DLGAP2: variants seen among roughly 807,000 people sequenced by gnomAD.
The protein encoded by DLGAP2 is DLG associated protein 2, also known as disks large-associated protein 2.
Under a neutral mutation model 100.3 loss-of-function variants are expected in DLGAP2, and 26 were observed. The observed-to-expected ratio is 0.26, with a 90% confidence interval of 0.19 to 0.36. The LOEUF (loss-of-function observed/expected upper bound fraction) is 0.36, where lower values mean the gene tolerates loss of function less well. Among genes scored for constraint, DLGAP2 ranks in the 10% least tolerant of loss-of-function variants. The pLI is 1.00. For synonymous variants in DLGAP2, 886 were observed against 630.1 expected (o/e 1.41, Z -6.08); for missense variants, 1,858 against 1,453.2 (o/e 1.28, Z -4.53).
chr8:792,608 G>T (rs1245934750), intron 1 of DLGAP2, among the ~76,000 whole-genome samples: 3 of 152,162 alleles, frequency 2.0e-5, no homozygotes, highest in African/African-American at 7.2e-5. Context: ...CTCAGAAAAT[G>T]CAACACAATA....
Position 1,422,395 on chromosome 8 carries a change from G to A in DLGAP2, c.107-78971G>A, listed in dbSNP as rs192724385. On this transcript the variant is annotated intron_variant, in intron 3 of 14. Coordinates refer to ENST00000637795, the MANE Select transcript of DLGAP2 (RefSeq NM_001346810.2). The stretch of plus-strand genomic sequence containing the variant: ...TACACAACTCAAGTCTTAATGACAC[G>A]CTTGTGTATATGTAGGGAGAAAAGC... 4.0e-4 allele frequency among the ~76,000 whole-genome samples: 61 copies of A among 152,264 alleles called. 1 individual carries two copies. Among genetic ancestry groups the A allele is most frequent in the African/African-American group, 7.9e-4 (33 of 41,558 alleles).
chr8:1,644,726 C>T (rs1336760141), intron 8 of DLGAP2, among the ~76,000 whole-genome samples: 1 of 152,148 alleles, frequency 6.6e-6, no homozygotes, highest in African/African-American at 2.4e-5. Context: ...ATATCTAGGC[C>T]ATGGCAGAGA....
intron 8 of DLGAP2, among the ~76,000 whole-genome samples, chr8:1,636,954 G>C (rs1266007285): frequency 6.6e-6 from 1 of 152,254 alleles, no homozygotes; most frequent in Non-Finnish European, 1.5e-5. Flanking sequence ...GGTGTGTTGG[G>C]ACACACAGGC....
chr8:1,044,095 G>A (rs1219077915), intron 2 of DLGAP2, among the ~76,000 whole-genome samples: 2 of 152,144 alleles, frequency 1.3e-5, no homozygotes, highest in Admixed American at 6.5e-5. Context: ...CACTCCTGCT[G>A]GATGTGAAGC....
intron 2 of DLGAP2, among the ~76,000 whole-genome samples, chr8:1,252,832 G>C (rs12676186): frequency 6.6e-6 from 1 of 152,098 alleles, no homozygotes; most frequent in Non-Finnish European, 1.5e-5. Flanking sequence ...GGATCCTGCC[G>C]TGTGCTCGGA....
intron 1 of DLGAP2, among the ~76,000 whole-genome samples, chr8:868,411 T>C (rs575226953): frequency 4.6e-5 from 7 of 152,290 alleles, no homozygotes; most frequent in Admixed American, 3.3e-4. Flanking sequence ...AAATGAGCCA[T>C]CTTTGTCATC....
chr8:1,166,494 T>A (rs760757775), intron 2 of DLGAP2, among the ~76,000 whole-genome samples: 19 of 152,214 alleles, frequency 1.2e-4, no homozygotes, highest in Admixed American at 2.6e-4. Context: ...TTGATTTTTC[T>A]CCTCCTTTTC....
chr8:966,766 C>T (rs1440084889), intron 2 of DLGAP2, among the ~76,000 whole-genome samples: 1 of 152,182 alleles, frequency 6.6e-6, no homozygotes, highest in Non-Finnish European at 1.5e-5. Context: ...TCTGCCTCTC[C>T]TCACATTTCC....
At chr8:1,615,624 A>G (rs1797124334) in intron 6 of DLGAP2, among the ~76,000 whole-genome samples, 1 of 151,746 alleles carries the variant, frequency 6.6e-6, no homozygotes, top group Admixed American at 6.5e-5. Context: ...TTCACCGGAA[A>G]GATCTTTAAA....
rs139009828 is a variant in DLGAP2, at chr8:1,038,148, C to A, written c.73+130182C>A. On this transcript the variant is annotated intron_variant, in intron 2 of 14. Coordinates refer to ENST00000637795, the MANE Select transcript of DLGAP2 (RefSeq NM_001346810.2). ...GTGTTCGTCCCTCTGGAGTCGCTAC[C>A]TGTGTGTTTCTCAGGAAGACAAAGT... Among the ~76,000 whole-genome samples the A allele has an allele frequency of 3.3e-5, 5 of 152,324 alleles. No individual in the cohort carries two copies. The East Asian group carries it at 9.6e-4, about 29-fold the overall frequency.
chr8:1,444,849 G>A (rs1218878015), intron 3 of DLGAP2, among the ~76,000 whole-genome samples: 1 of 141,104 alleles, frequency 7.1e-6, no homozygotes, highest in African/African-American at 2.7e-5. Context: ...GCGTGACCTC[G>A]GCTGACTGCA....
intron 2 of DLGAP2, among the ~76,000 whole-genome samples, chr8:1,224,694 A>G (rs1798380128): frequency 6.6e-6 from 1 of 152,264 alleles, no homozygotes; most frequent in Non-Finnish European, 1.5e-5. Flanking sequence ...TACAAGAATA[A>G]AATGAATTAT....
chr8:1,325,557 G>T lies in DLGAP2; in HGVS notation c.106+66674G>T, dbSNP rs181212781. ...GCTAGCTCAGGCCAAATTAAATCTA[G>T]TTAACGTTTGCTTTTATTTGGGATG... On this transcript the variant is annotated intron_variant, in intron 3 of 14. Coordinates refer to ENST00000637795, the MANE Select transcript of DLGAP2 (RefSeq NM_001346810.2). Among the ~76,000 whole-genome samples the T allele has an allele frequency of 2.4e-3, 371 of 152,302 alleles. 5 individuals are homozygous for T. The highest frequency in any genetic ancestry group is 0.015 in the South Asian group (71 of 4,822).
chr8:1,347,997 C>A (rs1456618597), intron 3 of DLGAP2, among the ~76,000 whole-genome samples: 1 of 145,332 alleles, frequency 6.9e-6, no homozygotes, highest in East Asian at 2.1e-4. Context: ...GTTGAGTTCC[C>A]ATACAGAGCT....
chr8:832,293 C>G (rs1207352050), intron 1 of DLGAP2, among the ~76,000 whole-genome samples: 2 of 152,188 alleles, frequency 1.3e-5, no homozygotes, highest in Non-Finnish European at 2.9e-5. Flanking sequence ...TTGCCCATGC[C>G]TAAGTCCTGA....
intron 3 of DLGAP2, among the ~76,000 whole-genome samples, chr8:1,290,864 G>C (rs1455695983): frequency 6.6e-6 from 1 of 152,134 alleles, no homozygotes; most frequent in African/African-American, 2.4e-5. Flanking sequence ...TGCTATTGTG[G>C]AAAAATAGAC....
At chr8:1,235,301 C>T (rs1402983410) in intron 2 of DLGAP2, among the ~76,000 whole-genome samples, 1 of 151,300 alleles carries the variant, frequency 6.6e-6, no homozygotes, top group African/African-American at 2.4e-5. Flanking sequence ...TTCCCTCACA[C>T]ATGGCATCGT....
At chr8:1,069,221 AAAG>A (rs1212934423) in intron 2 of DLGAP2, among the ~76,000 whole-genome samples, 1 of 152,160 alleles carries the variant, frequency 6.6e-6, no homozygotes, top group Non-Finnish European at 1.5e-5. Flanking sequence ...TTTAAACTGA[AAAG>A]AAGGGGCTGG....
intron 8 of DLGAP2, among the ~76,000 whole-genome samples, chr8:1,657,159 C>G (rs1269375130): frequency 6.6e-6 from 1 of 152,118 alleles, no homozygotes; most frequent in Non-Finnish European, 1.5e-5. Flanking sequence ...ACAATCATTT[C>G]TTCTTCTAAT....
Sources: gnomAD v4.1 joint callset for allele counts (sites outside exome capture counted in the v4.1 genomes callset) on GRCh38, gnomAD v4.1.1 for gene constraint, MANE v1.5 for transcripts, NCBI Gene and HGNC (gene_info 2026-07-23, HGNC 2026-07-21) for gene names.